PTK2: variants seen among roughly 807,000 people sequenced by gnomAD.
PTK2 encodes the protein focal adhesion kinase 1.
In PTK2, 45 loss-of-function variants were observed where a neutral mutation model predicts 150.1. That is an observed-to-expected ratio of 0.30 (90% CI 0.24 to 0.38). The LOEUF (loss-of-function observed/expected upper bound fraction) is 0.38, where lower values mean the gene tolerates loss of function less well. PTK2 is among the 10% of genes least tolerant of loss of function. The pLI is 1.00. For missense variants in PTK2, 919 were observed against 1,307.3 expected (o/e 0.70, Z 4.58); for synonymous variants, 432 against 449.2 (o/e 0.96, Z 0.48).
chr8:140,814,769 A>C (rs952885811), intron 10 of PTK2, among the ~76,000 whole-genome samples: 1 of 152,102 alleles, frequency 6.6e-6, no homozygotes, highest in Non-Finnish European at 1.5e-5. Flanking sequence ...AAGGAATATA[A>C]ATTGTTCTTT....
chr8:140,741,962 G>A (rs1321837654), intron 20 of PTK2, among the ~76,000 whole-genome samples: 2 of 151,652 alleles, frequency 1.3e-5, no homozygotes, highest in Non-Finnish European at 2.9e-5. Flanking sequence ...TAGGCAACAC[G>A]GCAAAACTCC....
intron 24 of PTK2, among the ~76,000 whole-genome samples, chr8:140,704,953 C>G (rs2100032829): frequency 1.3e-5 from 2 of 152,102 alleles, no homozygotes; most frequent in African/African-American, 4.8e-5. Context: ...CAGGTGCCCT[C>G]GAAAACTCAA....
At chr8:140,903,333 G>C (rs752413124) in intron 2 of PTK2, among the ~76,000 whole-genome samples, 4 of 152,056 alleles carry the variant, frequency 2.6e-5, no homozygotes, top group African/African-American at 4.8e-5. Flanking sequence ...CTGTTCCACT[G>C]GTCTATCTGT....
chr8:140,936,148 A>T (rs1323724907), intron 1 of PTK2, among the ~76,000 whole-genome samples: 1 of 152,130 alleles, frequency 6.6e-6, no homozygotes, highest in Non-Finnish European at 1.5e-5. Context: ...GCTGGAGTAA[A>T]ACTCTGTCTC....
At chr8:140,785,629 T>C (rs182226625) in intron 14 of PTK2, among the ~76,000 whole-genome samples, 95 of 152,280 alleles carry the variant, frequency 6.2e-4, no homozygotes, top group African/African-American at 1.8e-3. Flanking sequence ...TCCATCTTCA[T>C]TGACACTTGG....
intron 23 of PTK2, among the ~76,000 whole-genome samples, chr8:140,714,625 T>C (rs1165057098): frequency 6.6e-6 from 1 of 151,188 alleles, no homozygotes; most frequent in Admixed American, 6.6e-5. Context: ...GGTGAAACCC[T>C]GTCTGTACTA....
At chr8:140,746,494 C>A in intron 18 of PTK2, 1 of 311,504 alleles carries the variant, frequency 3.2e-6, no homozygotes, top group Non-Finnish European at 5.8e-6. Context: ...AAAATAAAAC[C>A]AAACATTTGG....
chr8:140,756,025 C>T (rs1195506336), intron 16 of PTK2, among the ~76,000 whole-genome samples: 1 of 151,968 alleles, frequency 6.6e-6, no homozygotes, highest in African/African-American at 2.4e-5. Flanking sequence ...ACAATATACA[C>T]AAGAAAGAAA....
chr8:140,770,747 C>T (rs767606699), intron 14 of PTK2: 1 of 1,355,422 alleles, frequency 7.4e-7, no homozygotes, highest in Admixed American at 2.0e-5. Context: ...AACAGAAGAC[C>T]AAAGGGAGAA....
At chr8:140,797,115 A>G (rs2100092081) in intron 12 of PTK2, among the ~76,000 whole-genome samples, 1 of 137,154 alleles carries the variant, frequency 7.3e-6, no homozygotes, top group African/African-American at 3.0e-5. Context: ...AAATGTACCA[A>G]TTTACAATGA....
intron 2 of PTK2, among the ~76,000 whole-genome samples, chr8:140,908,467 A>G (rs1602153716): frequency 6.6e-6 from 1 of 152,366 alleles, no homozygotes; most frequent in East Asian, 1.9e-4. Context: ...ATGAAGAAGA[A>G]AGAGTCTTTT....
At chr8:140,908,528 T>G (rs1475068396) in intron 2 of PTK2, among the ~76,000 whole-genome samples, 1 of 152,232 alleles carries the variant, frequency 6.6e-6, no homozygotes, top group Non-Finnish European at 1.5e-5. Context: ...AGTCAATGCT[T>G]AGCTTCAAAG....
At chr8:140,703,538 T>C (rs75183698) in intron 24 of PTK2, among the ~76,000 whole-genome samples, 1,682 of 152,332 alleles carry the variant, frequency 0.011, 36 homozygotes, top group African/African-American at 0.038. Flanking sequence ...CAAAAATGTC[T>C]GTGCCATACT....
intron 7 of PTK2, among the ~76,000 whole-genome samples, chr8:140,839,510 G>A (rs2100120984): frequency 6.6e-6 from 1 of 152,076 alleles, no homozygotes; most frequent in Non-Finnish European, 1.5e-5. Context: ...CCACAGATGG[G>A]CATACCAGAG....
chr8:140,678,586 T>C (rs2100015167), intron 27 of PTK2, among the ~76,000 whole-genome samples: 1 of 152,128 alleles, frequency 6.6e-6, no homozygotes, highest in Non-Finnish European at 1.5e-5. Flanking sequence ...GCTCTTGAGC[T>C]CAAGCGATCC....
chr8:140,674,951 G>C (rs2100012743), intron 28 of PTK2, among the ~76,000 whole-genome samples: 1 of 145,562 alleles, frequency 6.9e-6, no homozygotes, highest in South Asian at 2.2e-4. Flanking sequence ...GTGCACCATA[G>C]TCCCAGCTAC....
At chr8:140,901,648 T>C (rs1363652617) in intron 2 of PTK2, among the ~76,000 whole-genome samples, 1 of 142,836 alleles carries the variant, frequency 7.0e-6, no homozygotes, top group African/African-American at 2.6e-5. Flanking sequence ...CAAGATCCTG[T>C]CTTTTTTTTT....
At chr8:140,660,153 G>A (rs1429342631) in intron 31 of PTK2, among the ~76,000 whole-genome samples, 7 of 152,146 alleles carry the variant, frequency 4.6e-5, no homozygotes, top group South Asian at 2.1e-4. Context: ...GACTAACTTC[G>A]TCTCCATTTG....
At position 140,865,011 on chromosome 8, in the gene PTK2, C is replaced by T. The variant is rs1033881604; in HGVS notation, c.363-612G>A. ...AAACAGCATGCCAAAGAGGTTGTAA[C>T]AAGTCAAACTCCCACCAACAGCATG... On this transcript the variant is annotated intron_variant, in intron 4 of 31. Transcript: ENST00000522684. Among the ~76,000 whole-genome samples the T allele has an allele frequency of 2.0e-5, 3 of 152,178 alleles. No homozygotes were observed. The East Asian group carries it at 5.8e-4, about 29-fold the overall frequency.
Sources: allele counts gnomAD v4.1 joint callset (sites outside exome capture counted in the v4.1 genomes callset), GRCh38; gene constraint gnomAD v4.1.1; transcripts MANE v1.5; gene names NCBI Gene and HGNC (gene_info 2026-07-23, HGNC 2026-07-21).